Variants in PREX2 observed in about 807,000 individuals in gnomAD.
The protein encoded by PREX2 is phosphatidylinositol-3,4,5-trisphosphate dependent Rac exchange factor 2, also known as phosphatidylinositol 3,4,5-trisphosphate-dependent Rac exchanger 2 protein.
PREX2 carries 107 observed loss-of-function variants against 203.2 expected under a neutral mutation model. The ratio of observed to expected loss-of-function variants is 0.53; its 90% CI spans 0.45 to 0.62. The LOEUF (loss-of-function observed/expected upper bound fraction) is 0.62. Among genes scored for constraint, PREX2 ranks in the 20% least tolerant of loss-of-function variants. The pLI is 0.00. For missense variants in PREX2, 1,777 were observed against 1,955.9 expected, an observed-to-expected ratio of 0.91 and a Z score of 1.72; for synonymous variants, 672 against 663.6, an observed-to-expected ratio of 1.01 and a Z score of -0.19.
At chr8:68,101,383 T>A (rs770604128) in intron 23 of PREX2, 1 of 518,918 alleles carries the variant, frequency 1.9e-6, no homozygotes, top group East Asian at 5.5e-5. Flanking sequence ...ATTACTATTG[T>A]ATCTTTTAAA....
chr8:68,086,147 C>T (rs1809683408), intron 18 of PREX2, among the ~76,000 whole-genome samples: 1 of 152,184 alleles, frequency 6.6e-6, no homozygotes, highest in Non-Finnish European at 1.5e-5. Context: ...ATAAAGGATA[C>T]ATTAATTCTG....
chr8:68,149,660 G>A (rs993207149), intron 34 of PREX2, among the ~76,000 whole-genome samples: 3 of 152,186 alleles, frequency 2.0e-5, no homozygotes, highest in African/African-American at 7.2e-5. Flanking sequence ...TTCCTGATCT[G>A]TCAGTGGTTT....
intron 8 of PREX2, among the ~76,000 whole-genome samples, chr8:68,047,819 T>G (rs145007895): frequency 6.6e-6 from 1 of 151,938 alleles, no homozygotes; most frequent in Non-Finnish European, 1.5e-5. Context: ...AGATGACTAA[T>G]TTCATTGATA....
At chr8:68,004,139 A>G (rs1416751603) in intron 1 of PREX2, among the ~76,000 whole-genome samples, 2 of 152,158 alleles carry the variant, frequency 1.3e-5, no homozygotes, top group Non-Finnish European at 2.9e-5. Flanking sequence ...GCTGGAGCTG[A>G]GTCAAGTGAG....
intron 11 of PREX2, among the ~76,000 whole-genome samples, chr8:68,065,882 G>A (rs1279214759): frequency 6.6e-6 from 1 of 152,126 alleles, no homozygotes; most frequent in African/African-American, 2.4e-5. Context: ...GATTTAGTAG[G>A]AGATTCCCTC....
At chr8:68,037,366 A>C (rs1176485927) in intron 6 of PREX2, among the ~76,000 whole-genome samples, 1 of 152,122 alleles carries the variant, frequency 6.6e-6, no homozygotes, top group African/African-American at 2.4e-5. Context: ...GGTTGTAAAA[A>C]CAAATAGACT....
intron 1 of PREX2, among the ~76,000 whole-genome samples, chr8:67,966,458 T>TA (rs1181583735): frequency 2.0e-5 from 3 of 151,128 alleles, no homozygotes; most frequent in African/African-American, 2.4e-5. Flanking sequence ...AATACAGAAC[T>TA]AAAAAATCTG....
At position 68,152,196 on chromosome 8, in the gene PREX2, G is replaced by A. The variant is rs1451754988; in HGVS notation, c.4232-5126G>A. Among the ~76,000 whole-genome samples the A allele has an allele frequency of 2.7e-5, 4 of 147,752 alleles. No individual in the cohort carries two copies. In the Admixed American group the frequency reaches 2.7e-4, roughly 10 times the overall value. ...CCCAGCTACTGGGGAGGCTGAGGCA[G>A]GAGAATGGTGTCCCGGGAGGCAGAG... On this transcript the variant is annotated intron_variant, in intron 34 of 39. Transcript: ENST00000288368.
chr8:68,127,316 A>T, intron 30 of PREX2, 62 bp from the exon 31 acceptor site: 1 of 1,295,594 alleles, frequency 7.7e-7, no homozygotes, highest in Non-Finnish European at 1.1e-6. Context: ...CTACACAGTT[A>T]AAATATGGTA....
intron 6 of PREX2, among the ~76,000 whole-genome samples, chr8:68,036,851 G>A (rs1054427859): frequency 2.6e-5 from 4 of 152,152 alleles, no homozygotes; most frequent in African/African-American, 9.7e-5. Context: ...GCTGAGGCAG[G>A]AGAATCGCTT....
chr8:67,984,963 G>T (rs1027338271), intron 1 of PREX2, among the ~76,000 whole-genome samples: 1 of 151,974 alleles, frequency 6.6e-6, no homozygotes, highest in African/African-American at 2.4e-5. Flanking sequence ...CAGTCGCACG[G>T]GTCCCTGTTA....
rs1809496759 is a variant in PREX2, at chr8:68,080,789, A to G, written c.1829A>G (p.Lys610Arg). ...AGCTATGGCTTTGGATTAGAAGACA[A>G]AAATAAAGTTCCAATAATAAAGTTG... ...EGSYGFGLED[K>R]NKVPIIKLVE... is the part of the protein sequence containing the mutation. Residue 610 changes from lysine (K) to arginine (R), a missense_variant, in exon 17 of 40, where the codon AAA (lysine) becomes AGA (arginine). Physicochemically the swap from Lys to Arg is conservative, Grantham distance 26 (BLOSUM62 2). Coordinates refer to ENST00000288368, the MANE Select transcript of PREX2 (RefSeq NM_024870.4). The G allele has an allele frequency of 1.3e-6, 2 of 1,564,736 alleles. No homozygotes were observed. Among genetic ancestry groups the G allele is most frequent in the East Asian group, 2.2e-5 (1 of 44,602 alleles).
intron 37 of PREX2, among the ~76,000 whole-genome samples, chr8:68,216,343 A>G (rs565171644): frequency 2.0e-5 from 3 of 152,360 alleles, no homozygotes; most frequent in African/African-American, 7.2e-5. Context: ...TTGCAGGGAA[A>G]AATACTAGAC....
At chr8:68,127,230 C>T in intron 30 of PREX2, 148 bp from the exon 31 acceptor site, 2 of 544,850 alleles carry the variant, frequency 3.7e-6, no homozygotes, top group East Asian at 6.0e-5. Flanking sequence ...GCTGTTTTTG[C>T]CATCCATTGA....
At chr8:68,097,859 T>C (rs886574580) in intron 22 of PREX2, among the ~76,000 whole-genome samples, 3 of 152,244 alleles carry the variant, frequency 2.0e-5, no homozygotes, top group African/African-American at 7.2e-5. Context: ...TAAATGTACA[T>C]AATCCTCTGA....
chr8:68,218,818 T>C (rs1401215995), intron 38 of PREX2, among the ~76,000 whole-genome samples: 1 of 152,090 alleles, frequency 6.6e-6, no homozygotes, highest in Non-Finnish European at 1.5e-5. Context: ...GAGCTGAAGA[T>C]TGAAAACCAA....
chr8:68,204,965 G>A (rs1812587857), intron 37 of PREX2, among the ~76,000 whole-genome samples: 1 of 152,026 alleles, frequency 6.6e-6, no homozygotes. Context: ...ACAGGCATGA[G>A]CCACCACGCC....
chr8:68,006,772 G>C (rs1807110734), intron 1 of PREX2, among the ~76,000 whole-genome samples: 2 of 152,156 alleles, frequency 1.3e-5, no homozygotes. Flanking sequence ...CAAAATGTTG[G>C]TTCTTGAGGA....
At position 68,146,094 on chromosome 8, in the gene PREX2, C is replaced by G. The variant is rs567724362; in HGVS notation, c.4088-115C>G. ...CGAATCCCAACTTGATAAACATGAT[C>G]ACGTTTAATATATTGGTGTCGAGTA... On this transcript the variant is annotated intron_variant, in intron 33 of 39. Coordinates refer to ENST00000288368, the MANE Select transcript of PREX2 (RefSeq NM_024870.4). The G allele has an allele frequency of 2.0e-5, 13 of 653,538 alleles. No individual in the cohort carries two copies. The East Asian group carries it at 3.6e-4, about 18-fold the overall frequency. 40.5% of individuals were successfully genotyped at this position (653,538 alleles called of 1,614,324 possible).
Sources: allele counts gnomAD v4.1 joint callset (sites outside exome capture counted in the v4.1 genomes callset), GRCh38; gene constraint gnomAD v4.1.1; transcripts MANE v1.5; gene names NCBI Gene and HGNC (gene_info 2026-07-23, HGNC 2026-07-21).